C1orf105: variants seen among roughly 807,000 people sequenced by gnomAD.
C1orf105 encodes chromosome 1 open reading frame 105, also known as uncharacterized protein C1orf105.
A neutral mutation model predicts 20.8 loss-of-function variants in C1orf105; 17 were observed. That is an observed-to-expected ratio of 0.82 (90% CI 0.56 to 1.23). C1orf105 has a LOEUF of 1.23. C1orf105 is among the 50% of genes most tolerant of loss of function. The pLI, the probability that C1orf105 is intolerant of heterozygous loss-of-function variation, is 0.00. For missense variants in C1orf105, 219 were observed against 213.5 expected (o/e 1.03, Z -0.16); for synonymous variants, 72 against 72.1 (o/e 1.00, Z 0.01).
intron 1 of C1orf105, chr1:172,442,255 G>A (rs2149169494): frequency 1.9e-6 from 3 of 1,613,832 alleles, no homozygotes; most frequent in Non-Finnish European, 2.5e-6. Context: ...GAAGACTAGG[G>A]CACTCTTCAG....
intron 4 of C1orf105, among the ~76,000 whole-genome samples, chr1:172,461,397 TGA>T (rs1649683169): frequency 1.3e-5 from 2 of 152,224 alleles, no homozygotes; most frequent in Non-Finnish European, 2.9e-5. Context: ...GTAGAGTAGT[TGA>T]ACACCTGCAC....
intron 3 of C1orf105, among the ~76,000 whole-genome samples, chr1:172,451,883 T>A (rs1031828522): frequency 6.9e-6 from 1 of 144,952 alleles, no homozygotes; most frequent in African/African-American, 2.6e-5. Flanking sequence ...TTTTTTTTTT[T>A]TTTTTTGAGA....
rs1647839243 is a variant in C1orf105 at position 172,445,153 on chromosome 1, CA to C, written c.103del (p.Arg35GlufsTer11). ...VNKPLVLSLP[R>X]RYPHTSATFL... The stretch of plus-strand genomic sequence containing the variant: ...ACAAGCCATTAGTGCTCAGCCTTCC[CA>C]GAAGGTAACCTCTCAGCCACCGAGG... On this transcript the variant is annotated frameshift_variant, in exon 2 of 7. Coordinates refer to ENST00000367727, the MANE Select transcript of C1orf105 (RefSeq NM_139240.4). LOFTEE classifies it high-confidence loss of function. The C allele has an allele frequency of 6.2e-7, 1 of 1,610,306 alleles. No individual in the cohort carries two copies. Among genetic ancestry groups the C allele is most frequent in the African/African-American group, 1.3e-5 (1 of 74,764 alleles).
At chr1:172,432,667 A>T (rs2071908407) in intron 1 of C1orf105, among the ~76,000 whole-genome samples, 1 of 152,270 alleles carries the variant, frequency 6.6e-6, no homozygotes, top group African/African-American at 2.4e-5. Context: ...GAGAAACCAG[A>T]GAAGAAAAGC....
chr1:172,441,352 T>TACACACACAC (rs55669322), intron 1 of C1orf105: 10 of 156,540 alleles, frequency 6.4e-5, no homozygotes, highest in South Asian at 4.2e-4. Context: ...GAAGTGACTT[T>TACACACACAC]ACACACACAC....
chr1:172,441,841 A>G (rs1449142349), intron 1 of C1orf105: 1 of 1,614,128 alleles, frequency 6.2e-7, no homozygotes, highest in Admixed American at 1.7e-5. Context: ...CAGACATGAG[A>G]TAGACATCAG....
intron 1 of C1orf105, among the ~76,000 whole-genome samples, chr1:172,427,513 A>C (rs984641140): frequency 1.3e-5 from 2 of 152,154 alleles, no homozygotes; most frequent in African/African-American, 4.8e-5. Flanking sequence ...AGCTGTCTAT[A>C]CTTGCTGCTA....
intron 1 of C1orf105, among the ~76,000 whole-genome samples, chr1:172,431,498 A>C (rs2071873275): frequency 6.6e-6 from 1 of 152,242 alleles, no homozygotes; most frequent in Non-Finnish European, 1.5e-5. Flanking sequence ...AGGTTGATTC[A>C]TGAGGTTTAA....
At chr1:172,444,356 C>T in intron 1 of C1orf105, 1 of 958,190 alleles carries the variant, frequency 1.0e-6, no homozygotes, top group Non-Finnish European at 1.2e-6. Flanking sequence ...TTGTTGCGCT[C>T]CTTTATTAAG....
At chr1:172,449,149 G>A (rs910306238) in intron 3 of C1orf105, among the ~76,000 whole-genome samples, 1 of 152,154 alleles carries the variant, frequency 6.6e-6, no homozygotes, top group Non-Finnish European at 1.5e-5. Context: ...ACTCGACACG[G>A]TGCCCCACCC....
chr1:172,436,658 T>A (rs1463332986), intron 1 of C1orf105, among the ~76,000 whole-genome samples: 1 of 152,194 alleles, frequency 6.6e-6, no homozygotes. Context: ...AGCTAGGTAA[T>A]ACCATTCAGG....
intron 1 of C1orf105, chr1:172,441,624 C>A: frequency 1.9e-6 from 2 of 1,067,480 alleles, no homozygotes; most frequent in Non-Finnish European, 2.7e-6. Context: ...TATTCTCTTA[C>A]CACAATGACA....
intron 4 of C1orf105, among the ~76,000 whole-genome samples, chr1:172,458,276 C>G (rs768923845): frequency 1.3e-5 from 2 of 152,114 alleles, no homozygotes; most frequent in Non-Finnish European, 2.9e-5. Flanking sequence ...GAAAGAAGTA[C>G]AACTAGTCTA....
chr1:172,421,370 T>C (rs1376073138), intron 1 of C1orf105, among the ~76,000 whole-genome samples: 3 of 152,212 alleles, frequency 2.0e-5, no homozygotes, highest in Non-Finnish European at 4.4e-5. Flanking sequence ...GGTCTAAATC[T>C]GAATAAATCA....
Position 172,445,130 on chromosome 1 carries a change from A to T in C1orf105, c.79A>T (p.Lys27Ter), listed in dbSNP as rs777606834. 1 of 1,613,362 alleles carries T rather than the reference A, an allele frequency of 6.2e-7. No homozygotes were observed. The highest frequency in any genetic ancestry group is 8.5e-7 in the Non-Finnish European group (1 of 1,179,740). ...PWLSEASLVN[K>*]PLVLSLPRRY... ...GCTTAGTGAGGCCAGCCTTGTAAAC[A>T]AGCCATTAGTGCTCAGCCTTCCCAG... The change falls in exon 2 of 7, where the codon AAG becomes TAG. Residue 27 changes from lysine to a stop codon, truncating the protein, a stop_gained. Transcript: ENST00000367727. LOFTEE classifies it high-confidence loss of function.
intron 1 of C1orf105, among the ~76,000 whole-genome samples, chr1:172,428,285 T>C (rs925914204): frequency 1.3e-5 from 2 of 152,228 alleles, no homozygotes; most frequent in African/African-American, 4.8e-5. Flanking sequence ...CAAATGCTTC[T>C]TCCTGTGTCT....
chr1:172,427,867 C>T (rs2149158944), intron 1 of C1orf105, among the ~76,000 whole-genome samples: 1 of 152,286 alleles, frequency 6.6e-6, no homozygotes, highest in South Asian at 2.1e-4. Flanking sequence ...CATTAAATAT[C>T]ATTTATATTG....
intron 1 of C1orf105, among the ~76,000 whole-genome samples, chr1:172,427,536 A>G (rs2071753799): frequency 6.6e-6 from 1 of 151,944 alleles, no homozygotes; most frequent in Admixed American, 6.6e-5. Flanking sequence ...TTTCTCTTCT[A>G]TTTTCTCTTA....
intron 1 of C1orf105, among the ~76,000 whole-genome samples, chr1:172,438,648 G>GA (rs2072119579): frequency 6.6e-6 from 1 of 152,188 alleles, no homozygotes. Flanking sequence ...AATATTACAT[G>GA]AAATTGTTAT....
Sources: allele counts gnomAD v4.1 joint callset (sites outside exome capture counted in the v4.1 genomes callset), GRCh38; gene constraint gnomAD v4.1.1; transcripts MANE v1.5; gene names NCBI Gene and HGNC (gene_info 2026-07-23, HGNC 2026-07-21).